The following NFATC3 variants were observed in gnomAD, a reference collection of about 807,000 sequenced individuals.
NFATC3 encodes nuclear factor of activated T-cells, cytoplasmic 3.
A neutral mutation model predicts 98.6 loss-of-function variants in NFATC3; 46 were observed. The observed-to-expected ratio is 0.47, with a 90% CI of 0.37 to 0.60. NFATC3 has a LOEUF of 0.60. NFATC3 is among the 20% of genes least tolerant of loss of function. The probability of loss-of-function intolerance (pLI) is 0.00; values close to 1 mark genes in which losing one functional copy is unlikely to be tolerated. For missense variants in NFATC3, 1,256 were observed against 1,295.5 expected (o/e 0.97, Z 0.47); for synonymous variants, 512 against 472.2 (o/e 1.08, Z -1.09).
intron 9 of NFATC3, among the ~76,000 whole-genome samples, chr16:68,195,153 G>A (rs560187432): frequency 6.6e-6 from 1 of 152,004 alleles, no homozygotes; most frequent in Non-Finnish European, 1.5e-5. Flanking sequence ...TACTTGGGAG[G>A]CTGAGACAAG....
intron 3 of NFATC3, among the ~76,000 whole-genome samples, chr16:68,145,504 G>C (rs1361385553): frequency 1.3e-5 from 2 of 152,032 alleles, no homozygotes; most frequent in Non-Finnish European, 2.9e-5. Flanking sequence ...AATAAACTCT[G>C]GTGTATCCAT....
At chr16:68,149,532 C>T (rs575399070) in intron 3 of NFATC3, among the ~76,000 whole-genome samples, 14 of 152,260 alleles carry the variant, frequency 9.2e-5, no homozygotes, top group Admixed American at 7.2e-4. Context: ...CTGCAAGTAA[C>T]ATGTATCCAG....
chr16:68,159,007 G>A (rs765389402), intron 4 of NFATC3, among the ~76,000 whole-genome samples: 26 of 152,302 alleles, frequency 1.7e-4, no homozygotes, highest in South Asian at 2.1e-4. Flanking sequence ...CAAGGCAGGC[G>A]GATCACCTGA....
chr16:68,160,094 AT>A (rs1367058826), intron 4 of NFATC3, among the ~76,000 whole-genome samples: 2 of 152,064 alleles, frequency 1.3e-5, no homozygotes, highest in Admixed American at 1.3e-4. Flanking sequence ...AAAAAATCAG[AT>A]TTCAGTCTTG....
rs2040400115 is a variant in NFATC3, at chr16:68,190,752, A to C, written c.2099-16A>C. 1 of 1,581,492 alleles carries C rather than the reference A, an allele frequency of 6.3e-7. No homozygotes were observed. The highest frequency in any genetic ancestry group is 1.4e-5 in the African/African-American group (1 of 73,618). On this transcript the variant is annotated splice_polypyrimidine_tract_variant and intron_variant, in intron 8 of 9. Coordinates refer to ENST00000346183, the MANE Select transcript of NFATC3 (RefSeq NM_173165.3). ...GTATTGTATAATAATATTTGCTTTA[A>C]TCATTTTCTTTTCAGTTTTGATGAA...
intron 1 of NFATC3, chr16:68,088,910 G>C: frequency 1.1e-6 from 1 of 928,720 alleles, no homozygotes. Context: ...GGGCTCTCCT[G>C]TTCTGGCTTC....
At chr16:68,174,718 T>C (rs1462544190) in intron 6 of NFATC3, among the ~76,000 whole-genome samples, 12 of 152,248 alleles carry the variant, frequency 7.9e-5, no homozygotes, top group Admixed American at 7.9e-4. Context: ...CATGGTGGCA[T>C]GTGCCTGTAG....
chr16:68,181,396 A>G, intron 6 of NFATC3, 79 bp from the exon 7 acceptor site: 2 of 947,074 alleles, frequency 2.1e-6, no homozygotes, highest in South Asian at 1.4e-5. Context: ...TAAATTTGTG[A>G]TACTATCCAT....
chr16:68,095,233 A>G (rs1449238908), intron 1 of NFATC3, among the ~76,000 whole-genome samples: 4 of 151,248 alleles, frequency 2.6e-5, no homozygotes, highest in Non-Finnish European at 5.9e-5. Context: ...ATCTCACTCT[A>G]TTTCCCAGGC....
intron 1 of NFATC3, among the ~76,000 whole-genome samples, chr16:68,097,631 A>G (rs1447263277): frequency 1.3e-5 from 2 of 152,250 alleles, no homozygotes; most frequent in Non-Finnish European, 2.9e-5. Context: ...AAGTCTGAGA[A>G]GATACTGTCA....
In NFATC3 at chr16:68,191,156, A is replaced by G. The variant is rs753373139; in HGVS notation, c.2487A>G (p.Ser829=). The G allele has an allele frequency of 1.2e-6, 2 of 1,614,088 alleles. No individual in the cohort carries two copies. Among genetic ancestry groups the G allele is most frequent in the Non-Finnish European group, 1.7e-6 (2 of 1,180,050 alleles). ...INAASSQEFD[S]VLFQQDATLS... ...CTGCCTCTAGTCAAGAATTTGATTC[A>G]GTTTTGTTTCAGCAGGATGCAACTC... Residue 829 remains serine, a synonymous_variant, in exon 9 of 10, where the codon TCA becomes TCG. Transcript: ENST00000346183.
At position 68,146,754 on chromosome 16, in the gene NFATC3, A is replaced by G. The variant is rs115664243; in HGVS notation, c.1402-11115A>G. 1.1e-3 allele frequency among the ~76,000 whole-genome samples: 165 copies of G among 152,356 alleles called. 1 individual carries two copies. The highest frequency in any genetic ancestry group is 4.0e-3 in the African/African-American group (165 of 41,586). On this transcript the variant is annotated intron_variant, in intron 3 of 9. Transcript: ENST00000346183. ...GCTTTAACCCTCCAGCTTTAGTTAA[A>G]TTAAGCAGGCACAGACCTTTGCTAT...
chr16:68,218,514 CAA>C (rs1326968858), intron 9 of NFATC3, among the ~76,000 whole-genome samples: 35 of 59,402 alleles, frequency 5.9e-4, no homozygotes, highest in Middle Eastern at 0.012. Context: ...GAGAGCCTCT[CAA>C]AAAAAAAAAA....
intron 3 of NFATC3, among the ~76,000 whole-genome samples, chr16:68,131,411 G>A (rs2037106747): frequency 6.6e-6 from 1 of 152,048 alleles, no homozygotes; most frequent in Admixed American, 6.6e-5. Context: ...CTGAGTAGCT[G>A]GGATTACAGG....
intron 9 of NFATC3, chr16:68,214,432 G>A (rs1359891514): frequency 6.2e-7 from 1 of 1,612,784 alleles, no homozygotes; most frequent in African/African-American, 1.3e-5. Flanking sequence ...GAATCTAGAG[G>A]GTGAGTGTTG....
intron 6 of NFATC3, among the ~76,000 whole-genome samples, chr16:68,178,117 G>T (rs1022843983): frequency 1.3e-5 from 2 of 151,842 alleles, no homozygotes; most frequent in African/African-American, 4.8e-5. Context: ...TTCTTTTTGA[G>T]AAATTTTATT....
intron 3 of NFATC3, among the ~76,000 whole-genome samples, chr16:68,153,297 C>T (rs1440091183): frequency 5.3e-5 from 8 of 152,112 alleles, no homozygotes; most frequent in African/African-American, 1.9e-4. Context: ...TGGTGCACAC[C>T]TGTAGTCCCA....
chr16:68,190,854 C>G lies in NFATC3; in HGVS notation c.2185C>G (p.Pro729Ala). The G allele has an allele frequency of 6.2e-7, 1 of 1,614,106 alleles. No individual in the cohort carries two copies. Among genetic ancestry groups the G allele is most frequent in the Non-Finnish European group, 8.5e-7 (1 of 1,179,954 alleles). ...PVPHPAQTQR[P>A]SSDSGCSHDS... The stretch of plus-strand genomic sequence containing the variant: ...GCCTCATCCTGCTCAGACCCAGAGG[C>G]CTTCCTCTGATTCAGGGTGTTCACA... Residue 729 changes from proline (P) to alanine (A), a missense_variant, in exon 9 of 10, where the codon CCT becomes GCT. Pro to Ala is a conservative substitution (Grantham distance 27). Coordinates refer to ENST00000346183, the MANE Select transcript of NFATC3 (RefSeq NM_173165.3).
intron 1 of NFATC3, among the ~76,000 whole-genome samples, chr16:68,096,240 A>G (rs904959247): frequency 3.9e-5 from 6 of 152,254 alleles, no homozygotes; most frequent in African/African-American, 1.4e-4. Flanking sequence ...TACTGGGATT[A>G]CAGGTGTGAG....
Sources: gnomAD v4.1 joint callset for allele counts (sites outside exome capture counted in the v4.1 genomes callset) on GRCh38, gnomAD v4.1.1 for gene constraint, MANE v1.5 for transcripts, NCBI Gene and HGNC (gene_info 2026-07-23, HGNC 2026-07-21) for gene names.